Variants in TTC28 observed in about 807,000 individuals in gnomAD.
TTC28 encodes the protein tetratricopeptide repeat domain 28.
In TTC28, 61 loss-of-function variants were observed where a neutral mutation model predicts 198.0. The ratio of observed to expected loss-of-function variants is 0.31; its 90% CI spans 0.25 to 0.38. TTC28 has a LOEUF of 0.38. Among genes scored for constraint, TTC28 ranks in the 10% least tolerant of loss-of-function variants. The probability of loss-of-function intolerance (pLI) is 1.00; values close to 1 mark genes in which losing one functional copy is unlikely to be tolerated. For synonymous variants in TTC28, 1,171 were observed against 1,297.8 expected (o/e 0.90, Z 2.10); for missense variants, 2,678 against 3,164.0 (o/e 0.85, Z 3.69).
At chr22:28,518,136 C>A (rs2048828255) in intron 2 of TTC28, among the ~76,000 whole-genome samples, 1 of 151,982 alleles carries the variant, frequency 6.6e-6, no homozygotes, top group Non-Finnish European at 1.5e-5. Context: ...TCATGCTCAG[C>A]AATTCTTAGC....
intron 6 of TTC28, among the ~76,000 whole-genome samples, chr22:28,129,445 G>A (rs1943003515): frequency 6.6e-6 from 1 of 152,206 alleles, no homozygotes; most frequent in South Asian, 2.1e-4. Flanking sequence ...ATTCCAAGAT[G>A]TTCTCAAACA....
At chr22:28,641,394 G>T (rs1217652959) in intron 1 of TTC28, among the ~76,000 whole-genome samples, 2 of 151,946 alleles carry the variant, frequency 1.3e-5, no homozygotes, top group Non-Finnish European at 2.9e-5. Flanking sequence ...ATTATGTTAA[G>T]TGCAAGAAGC....
chr22:28,149,670 T>C (rs1943559831), intron 6 of TTC28, among the ~76,000 whole-genome samples: 1 of 152,184 alleles, frequency 6.6e-6, no homozygotes. Flanking sequence ...TCAGGGGCTA[T>C]AACACACATG....
At chr22:28,041,989 T>A (rs1939657171) in intron 12 of TTC28, among the ~76,000 whole-genome samples, 1 of 152,122 alleles carries the variant, frequency 6.6e-6, no homozygotes, top group Non-Finnish European at 1.5e-5. Context: ...ATGCTCATCA[T>A]CACTGGTCAT....
At chr22:28,057,816 AC>A (rs1468481415) in intron 12 of TTC28, among the ~76,000 whole-genome samples, 1 of 152,092 alleles carries the variant, frequency 6.6e-6, no homozygotes, top group South Asian at 2.1e-4. Context: ...CTGTAGATAT[AC>A]CCAGTTGTTC....
At chr22:28,650,453 T>C (rs978129247) in intron 1 of TTC28, among the ~76,000 whole-genome samples, 4 of 152,160 alleles carry the variant, frequency 2.6e-5, no homozygotes, top group Admixed American at 2.0e-4. Flanking sequence ...AGATACCCAG[T>C]AATCTTTTCG....
chr22:28,617,487 T>C (rs1555902175), intron 2 of TTC28, among the ~76,000 whole-genome samples: 1 of 152,046 alleles, frequency 6.6e-6, no homozygotes, highest in Non-Finnish European at 1.5e-5. Context: ...AGTGAGACCC[T>C]ATCTCAAGAA....
At chr22:28,195,776 A>G (rs1166766656) in intron 5 of TTC28, among the ~76,000 whole-genome samples, 25 of 133,242 alleles carry the variant, frequency 1.9e-4, no homozygotes, top group African/African-American at 5.7e-4. Flanking sequence ...ACTGCTCAAC[A>G]AAATAAAAGA....
At chr22:28,086,349 A>G (rs917106199) in intron 12 of TTC28, among the ~76,000 whole-genome samples, 1 of 152,188 alleles carries the variant, frequency 6.6e-6, no homozygotes, top group African/African-American at 2.4e-5. Flanking sequence ...AGAACTCAGG[A>G]TTAAGAAACT....
intron 2 of TTC28, among the ~76,000 whole-genome samples, chr22:28,463,734 G>A (rs775001921): frequency 6.6e-5 from 10 of 151,912 alleles, no homozygotes; most frequent in Non-Finnish European, 1.5e-4. Flanking sequence ...GACACAGGAA[G>A]GGGAACATCA....
At chr22:28,027,981 G>A (rs1938904404) in intron 13 of TTC28, among the ~76,000 whole-genome samples, 1 of 152,250 alleles carries the variant, frequency 6.6e-6, no homozygotes, top group East Asian at 1.9e-4. Flanking sequence ...TCCCTCAGCT[G>A]TAGCTCCACT....
At chr22:28,302,401 A>G (rs913249737) in intron 3 of TTC28, among the ~76,000 whole-genome samples, 4 of 152,166 alleles carry the variant, frequency 2.6e-5, no homozygotes, top group Middle Eastern at 3.2e-3. Flanking sequence ...CATAAGAGCA[A>G]TTAGTACTGC....
At chr22:28,596,660 T>C (rs2146106515) in intron 2 of TTC28, among the ~76,000 whole-genome samples, 1 of 152,280 alleles carries the variant, frequency 6.6e-6, no homozygotes, top group Non-Finnish European at 1.5e-5. Context: ...AATAATGAGA[T>C]TTTGACAGTC....
chr22:28,452,901 T>C (rs1197138405), intron 2 of TTC28, among the ~76,000 whole-genome samples: 1 of 152,186 alleles, frequency 6.6e-6, no homozygotes, highest in African/African-American at 2.4e-5. Flanking sequence ...ACATTGAATG[T>C]AAAGCAAGTG....
intron 12 of TTC28, among the ~76,000 whole-genome samples, chr22:28,075,794 C>G (rs116583276): frequency 0.01 from 1,563 of 152,328 alleles, 30 homozygotes; most frequent in African/African-American, 0.035. Context: ...TTGGAAGCCT[C>G]TTGAATCATT....
chr22:28,305,775 A>T (rs1427659178), intron 3 of TTC28, among the ~76,000 whole-genome samples: 1 of 152,154 alleles, frequency 6.6e-6, no homozygotes, highest in Non-Finnish European at 1.5e-5. Flanking sequence ...CTTTTAGTCA[A>T]ATCTTCCCAA....
chr22:28,272,020 T>C (rs1932117094), intron 5 of TTC28, among the ~76,000 whole-genome samples: 1 of 152,194 alleles, frequency 6.6e-6, no homozygotes, highest in Non-Finnish European at 1.5e-5. Context: ...CCCAGTCACT[T>C]GTAACTGAGA....
chr22:28,497,463 G>A (rs1424068618), intron 2 of TTC28, among the ~76,000 whole-genome samples: 1 of 151,954 alleles, frequency 6.6e-6, no homozygotes, highest in African/African-American at 2.4e-5. Context: ...AAACCTGGCT[G>A]CACATTAGAA....
intron 2 of TTC28, among the ~76,000 whole-genome samples, chr22:28,451,105 G>A (rs1000781911): frequency 6.6e-6 from 1 of 152,142 alleles, no homozygotes; most frequent in African/African-American, 2.4e-5. Flanking sequence ...TTAAGTTTTG[G>A]CTGAACACTA....
Sources: gnomAD v4.1 joint callset for allele counts (sites outside exome capture counted in the v4.1 genomes callset) on GRCh38, gnomAD v4.1.1 for gene constraint, MANE v1.5 for transcripts, NCBI Gene and HGNC (gene_info 2026-07-23, HGNC 2026-07-21) for gene names.